Variants in SLC25A26 observed in about 807,000 individuals in gnomAD.
SLC25A26 encodes solute carrier family 25 member 26, also known as mitochondrial S-adenosylmethionine carrier protein.
SLC25A26 carries 36 observed loss-of-function variants against 37.8 expected under a neutral mutation model. The observed-to-expected ratio is 0.95, with a 90% CI of 0.73 to 1.26. The LOEUF is 1.26. Ranked by LOEUF, SLC25A26 falls within the 50% of genes most tolerant of loss-of-function variation. The probability of loss-of-function intolerance (pLI) is 0.00; values close to 1 mark genes in which losing one functional copy is unlikely to be tolerated. For synonymous variants in SLC25A26, 129 were observed against 122.5 expected (o/e 1.05, Z -0.35); for missense variants, 390 against 331.1 (o/e 1.18, Z -1.38).
At chr3:66,286,244 G>C (rs531485264) in intron 5 of SLC25A26, among the ~76,000 whole-genome samples, 1 of 152,178 alleles carries the variant, frequency 6.6e-6, no homozygotes, top group Admixed American at 6.5e-5. Flanking sequence ...TTGTACTTTG[G>C]ATGTCATCTC....
intron 1 of SLC25A26, among the ~76,000 whole-genome samples, chr3:66,225,492 A>C (rs886256481): frequency 2.0e-5 from 3 of 151,656 alleles, no homozygotes; most frequent in African/African-American, 7.3e-5. Flanking sequence ...CCAGGAAATC[A>C]TTTTTTCCCT....
chr3:66,217,427 T>G (rs1285850932), upstream of SLC25A26, among the ~76,000 whole-genome samples: 4 of 152,196 alleles, frequency 2.6e-5, no homozygotes, highest in African/African-American at 7.2e-5. Context: ...AAATACGGAA[T>G]AAACCGAATA....
At chr3:66,299,401 G>A (rs537930119) in intron 5 of SLC25A26, among the ~76,000 whole-genome samples, 2 of 152,200 alleles carry the variant, frequency 1.3e-5, no homozygotes, top group African/African-American at 4.8e-5. Context: ...TGTTGGCCAG[G>A]CTGGTCTTGA....
chr3:66,320,081 CTT>C (rs1269971222), intron 5 of SLC25A26, among the ~76,000 whole-genome samples: 6 of 152,108 alleles, frequency 3.9e-5, no homozygotes, highest in Non-Finnish European at 8.8e-5. Context: ...ATTAATTAAA[CTT>C]GAGCTTTTTA....
chr3:66,331,113 C>G (rs1007757915), intron 5 of SLC25A26, among the ~76,000 whole-genome samples: 1 of 152,036 alleles, frequency 6.6e-6, no homozygotes, highest in Non-Finnish European at 1.5e-5. Context: ...ATATATAACT[C>G]TGGTACTATG....
intron 5 of SLC25A26, among the ~76,000 whole-genome samples, chr3:66,268,078 T>C (rs73833435): frequency 1.2e-3 from 185 of 152,350 alleles, no homozygotes; most frequent in African/African-American, 4.0e-3. Context: ...TAACCTACTT[T>C]GTTTTGGAGA....
intron 5 of SLC25A26, among the ~76,000 whole-genome samples, chr3:66,328,027 A>G (rs1335972882): frequency 6.6e-6 from 1 of 152,118 alleles, no homozygotes; most frequent in African/African-American, 2.4e-5. Context: ...TGAAGGAGGA[A>G]AGTTTGTTAA....
At chr3:66,166,259 T>A (rs2070423862) in intron 1 of SLC25A26, among the ~76,000 whole-genome samples, 1 of 152,170 alleles carries the variant, frequency 6.6e-6, no homozygotes, top group Non-Finnish European at 1.5e-5. Flanking sequence ...TTTATTTGGC[T>A]CCCTTTATTG....
rs541852687 is a variant in SLC25A26 at position 66,251,485 on chromosome 3, G to A, written c.300+8173G>A. ...GTGCACCTACTTGAATTCTCCAATG[G>A]AGTCTACCGAGCTAAGTTGAATAAG... On this transcript the variant is annotated intron_variant, in intron 3 of 9. Transcript: ENST00000354883. Among the ~76,000 whole-genome samples the A allele has an allele frequency of 1.2e-4, 18 of 152,248 alleles. No homozygotes were observed. In the South Asian group the frequency reaches 3.5e-3, roughly 30 times the overall value.
chr3:66,292,658 G>C (rs1003708187), intron 5 of SLC25A26, among the ~76,000 whole-genome samples: 2 of 152,228 alleles, frequency 1.3e-5, no homozygotes, highest in East Asian at 1.9e-4. Flanking sequence ...TCTGCAGAGA[G>C]ACCTGCTGTT....
chr3:66,230,816 A>AC (rs2071984930), intron 1 of SLC25A26, among the ~76,000 whole-genome samples: 5 of 141,256 alleles, frequency 3.5e-5, no homozygotes, highest in East Asian at 2.0e-4. Context: ...AAAAAAAAAA[A>AC]AAACAAAAAA....
intron 5 of SLC25A26, among the ~76,000 whole-genome samples, chr3:66,319,515 G>A (rs534582161): frequency 1.5e-4 from 23 of 152,148 alleles, no homozygotes; most frequent in Admixed American, 2.6e-4. Context: ...TGCTTATCTA[G>A]CATTCTTATA....
At chr3:66,244,417 A>G (rs1334204156) in intron 3 of SLC25A26, among the ~76,000 whole-genome samples, 1 of 152,246 alleles carries the variant, frequency 6.6e-6, no homozygotes, top group East Asian at 1.9e-4. Context: ...AAGTAGGCAT[A>G]AACTTACTAA....
chr3:66,221,171 C>G, intron 1 of SLC25A26, 44 bp downstream of exon 1: 1 of 1,501,156 alleles, frequency 6.7e-7, no homozygotes, highest in African/African-American at 1.4e-5. Context: ...GTGCCGGCGT[C>G]CGGCATTGGA....
chr3:66,205,664 C>T (rs1266112184), intron 1 of SLC25A26, among the ~76,000 whole-genome samples: 2 of 152,186 alleles, frequency 1.3e-5, no homozygotes, highest in African/African-American at 4.8e-5. Flanking sequence ...AGTATGAGAA[C>T]TCACAACTTA....
intron 5 of SLC25A26, among the ~76,000 whole-genome samples, chr3:66,328,206 G>A (rs2075885498): frequency 6.6e-6 from 1 of 152,030 alleles, no homozygotes; most frequent in African/African-American, 2.4e-5. Context: ...GCATTCTTTT[G>A]TAATGATATG....
intron 3 of SLC25A26, among the ~76,000 whole-genome samples, chr3:66,249,312 A>G (rs2072986225): frequency 6.6e-6 from 1 of 151,852 alleles, no homozygotes; most frequent in African/African-American, 2.4e-5. Context: ...AGGCCGTTGG[A>G]CCCCCTTTGT....
At chr3:66,270,803 G>C (rs2073931477) in intron 5 of SLC25A26, among the ~76,000 whole-genome samples, 1 of 152,110 alleles carries the variant, frequency 6.6e-6, no homozygotes, top group African/African-American at 2.4e-5. Context: ...AAGAACAATT[G>C]AGTAAAATTA....
intron 7 of SLC25A26, among the ~76,000 whole-genome samples, chr3:66,364,925 A>G (rs9827734): frequency 0.35 from 53,815 of 152,090 alleles, 10,268 homozygotes; most frequent in East Asian, 0.69. Flanking sequence ...GTAGAACCAC[A>G]TATATTTAGC....
Sources: allele counts gnomAD v4.1 joint callset (sites outside exome capture counted in the v4.1 genomes callset), GRCh38; gene constraint gnomAD v4.1.1; transcripts MANE v1.5; gene names NCBI Gene and HGNC (gene_info 2026-07-23, HGNC 2026-07-21).